The following MED23 variants were observed in gnomAD, a reference collection of about 807,000 sequenced individuals.
MED23 encodes mediator of RNA polymerase II transcription subunit 23.
Under a neutral mutation model 163.9 loss-of-function variants are expected in MED23, and 105 were observed. The observed-to-expected ratio is 0.64, with a 90% CI of 0.55 to 0.75. The LOEUF (loss-of-function observed/expected upper bound fraction) is 0.75, where lower values mean the gene tolerates loss of function less well. Among genes scored for constraint, MED23 ranks in the 30% least tolerant of loss-of-function variants. The pLI is 0.00. For synonymous variants in MED23, 561 were observed against 565.6 expected, an observed-to-expected ratio of 0.99 and a Z score of 0.12; for missense variants, 1,054 against 1,649.0, an observed-to-expected ratio of 0.64 and a Z score of 6.25.
At chr6:131,602,454 A>G in intron 16 of MED23, 73 bp from the exon 17 acceptor site, 2 of 1,392,110 alleles carry the variant, frequency 1.4e-6, no homozygotes, top group East Asian at 4.8e-5. Flanking sequence ...GGTTAATTAC[A>G]ATGGAAAAAC....
chr6:131,583,880 C>T (rs1774069594), downstream of MED23: 1 of 1,614,092 alleles, frequency 6.2e-7, no homozygotes, highest in Non-Finnish European at 8.5e-7. Flanking sequence ...AATCACAAGC[C>T]TATTGACTAC....
At chr6:131,583,706 T>C, downstream of MED23, 3 of 1,601,912 alleles carry the variant, frequency 1.9e-6, no homozygotes, top group Non-Finnish European at 2.6e-6. Context: ...ATGTCAACTA[T>C]TTTATAAATT....
rs1251411149 is a variant in MED23, at chr6:131,587,482, T to C, written c.*197A>G. 2 of 1,421,184 alleles carry C rather than the reference T, an allele frequency of 1.4e-6. No homozygotes were observed. Among genetic ancestry groups the C allele is most frequent in the Admixed American group, 5.5e-5 (2 of 36,690 alleles). The allele number at this position is 1,421,184 out of a possible 1,614,324, so 88.0% of individuals were successfully genotyped here. A position where few individuals can be genotyped will look rare whatever the true frequency, so the allele number is the denominator to read the frequency against. ...ACAACATGTATCTTACTTGATCTCT[T>C]AGAGACAAAAATATAGATAGGGAGA... On this transcript the variant is annotated 3_prime_UTR_variant, in exon 29 of 29. Transcript: ENST00000368068.
intron 10 of MED23, 73 bp from the exon 11 acceptor site, chr6:131,610,319 A>T (rs918479749): frequency 2.3e-5 from 32 of 1,411,956 alleles, no homozygotes; most frequent in Admixed American, 3.8e-5. Flanking sequence ...GTTAATGGGC[A>T]TTAATTGTAA....
At chr6:131,579,415 TA>T (rs1183279099) in intron 30 of MED23, 10 of 1,068,446 alleles carry the variant, frequency 9.4e-6, no homozygotes, top group South Asian at 3.2e-5. Flanking sequence ...TTTCTGCCTT[TA>T]AAAAAATTTT....
chr6:131,623,367 C>T lies in MED23; in HGVS notation c.380G>A (p.Gly127Glu). The change falls in exon 5 of 29, where the codon GGG (glycine) becomes GAG (glutamate). Residue 127 changes from glycine to glutamate, a missense_variant. By Grantham distance (98) the Gly-to-Glu change is moderately conservative (BLOSUM62 -2). Around this residue, in one of 11 missense-constraint regions of MED23, gnomAD observed 227 missense variants for 235.5 expected, o/e 0.96. Coordinates refer to ENST00000368068, the MANE Select transcript of MED23 (RefSeq NM_004830.4). ...AAAATATACCTTGTAATCCACTCCC[C>T]CAATTATTTTCCGAACCAGTTTAAA... Reference protein sequence around the residue: ...LTFKLVRKIIGGVDYKGVRDL... With the variant: ...LTFKLVRKIIEGVDYKGVRDL... 6.2e-7 allele frequency: 1 copy of T among 1,613,390 alleles called. No individual in the cohort carries two copies. The highest frequency in any genetic ancestry group is 2.2e-5 in the East Asian group (1 of 44,866).
At chr6:131,579,290 T>C (rs761712444) in intron 30 of MED23, 2 of 1,613,940 alleles carry the variant, frequency 1.2e-6, no homozygotes, top group Non-Finnish European at 1.7e-6. Context: ...CCACAGGTCT[T>C]GTTGAATAAC....
Position 131,600,027 on chromosome 6 carries a change from G to C in MED23, c.2220+11C>G. The C allele has an allele frequency of 6.2e-7, 1 of 1,613,862 alleles. No individual in the cohort carries two copies. The highest frequency in any genetic ancestry group is 8.5e-7 in the Non-Finnish European group (1 of 1,179,828). ...CATGTGCATTCAATAAGTAATTCAA[G>C]ACCAAATTACCTGTAGTGGGCCTGG... On this transcript the variant is annotated intron_variant, in intron 18 of 28. Transcript: ENST00000368068.
chr6:131,628,112 G>C lies in MED23; in HGVS notation c.-63C>G. ...AGGCCCGGATCAGACTCGAGCTCTG[G>C]GAATATAGGGGCAGAGGGGCGGAGA... is the stretch of plus-strand genomic sequence containing the variant. On this transcript the variant is annotated 5_prime_UTR_variant, in exon 1 of 29. Transcript: ENST00000368068. 1.3e-6 allele frequency: 2 copies of C among 1,582,964 alleles called. No individual in the cohort carries two copies. Among genetic ancestry groups the C allele is most frequent in the African/African-American group, 1.3e-5 (1 of 74,422 alleles).
At chr6:131,580,382 G>C (rs1773858018) in intron 30 of MED23, among the ~76,000 whole-genome samples, 2 of 152,178 alleles carry the variant, frequency 1.3e-5, no homozygotes, top group African/African-American at 4.8e-5. Flanking sequence ...TGAACGTTAA[G>C]GCATTATTGC....
intron 20 of MED23, among the ~76,000 whole-genome samples, chr6:131,597,967 T>C (rs1251365015): frequency 6.6e-6 from 1 of 151,984 alleles, no homozygotes; most frequent in Non-Finnish European, 1.5e-5. Context: ...TGGTAGCATA[T>C]GCCTGTACTC....
At chr6:131,609,863 C>A (rs1313367715) in intron 11 of MED23, among the ~76,000 whole-genome samples, 183 bp downstream of exon 11, 3 of 151,468 alleles carry the variant, frequency 2.0e-5, no homozygotes, top group Non-Finnish European at 4.4e-5. Context: ...GAATGAATGA[C>A]TGAATCCTGT....
intron 11 of MED23, among the ~76,000 whole-genome samples, chr6:131,608,747 G>A (rs1452045193): frequency 3.3e-5 from 5 of 152,068 alleles, no homozygotes; most frequent in African/African-American, 4.8e-5. Flanking sequence ...GTGGTTTCTG[G>A]GAGAAGGTGG....
chr6:131,588,497 T>A (rs532386465), intron 28 of MED23, among the ~76,000 whole-genome samples: 1 of 152,330 alleles, frequency 6.6e-6, no homozygotes, highest in East Asian at 1.9e-4. Context: ...TAAAGAATAC[T>A]TTTTTTAAAA....
At chr6:131,615,450 G>T in intron 10 of MED23, 1 of 786,702 alleles carries the variant, frequency 1.3e-6, no homozygotes, top group Non-Finnish European at 2.0e-6. Flanking sequence ...GGAACCCAGA[G>T]TCAGCACAAA....
downstream of MED23, chr6:131,586,615 A>T: frequency 2.3e-6 from 1 of 440,870 alleles, no homozygotes; most frequent in Non-Finnish European, 3.3e-6. Flanking sequence ...TGTAACTCTT[A>T]ATTCCTAGGC....
chr6:131,628,251 C>T, upstream of MED23: 1 of 611,772 alleles, frequency 1.6e-6, no homozygotes, highest in Non-Finnish European at 2.9e-6. Context: ...ACGGGAAGGG[C>T]CCGGTACGCG....
downstream of MED23, among the ~76,000 whole-genome samples, chr6:131,581,845 A>G (rs1773942340): frequency 6.6e-6 from 1 of 152,230 alleles, no homozygotes; most frequent in African/African-American, 2.4e-5. Context: ...ATAATGGTTT[A>G]TGAACTAATG....
intron 3 of MED23, chr6:131,627,063 CT>C (rs1488641619): frequency 1.8e-5 from 4 of 220,400 alleles, no homozygotes; most frequent in Admixed American, 5.4e-5. Context: ...AATTTGTATC[CT>C]TGACAAGTAA....
Sources: allele counts gnomAD v4.1 joint callset (sites outside exome capture counted in the v4.1 genomes callset), GRCh38; gene constraint gnomAD v4.1.1; regional missense constraint gnomAD v4.1.1; transcripts MANE v1.5; gene names NCBI Gene and HGNC (gene_info 2026-07-23, HGNC 2026-07-21).